TRIP4: variants seen among roughly 807,000 people sequenced by gnomAD.
TRIP4 encodes the protein activating signal cointegrator 1.
Under a neutral mutation model 81.8 loss-of-function variants are expected in TRIP4, and 54 were observed. The ratio of observed to expected loss-of-function variants is 0.66; its 90% CI spans 0.53 to 0.83. TRIP4 has a LOEUF of 0.83. TRIP4 is among the 40% of genes least tolerant of loss of function. The pLI is 0.00. For missense variants in TRIP4, 662 were observed against 683.6 expected (o/e 0.97, Z 0.35); for synonymous variants, 270 against 242.8 (o/e 1.11, Z -1.04).
chr15:64,429,040 C>T (rs1275051016), intron 11 of TRIP4, among the ~76,000 whole-genome samples: 2 of 151,622 alleles, frequency 1.3e-5, no homozygotes, highest in Admixed American at 6.6e-5. Context: ...TTGGGTTGGG[C>T]GTGGTGGCTC....
chr15:64,429,194 G>A (rs993077332), intron 11 of TRIP4, among the ~76,000 whole-genome samples: 1 of 152,006 alleles, frequency 6.6e-6, no homozygotes, highest in Non-Finnish European at 1.5e-5. Flanking sequence ...GCAGGAGCCT[G>A]TAATCTCAGC....
At chr15:64,421,286 A>C (rs1012124934) in intron 9 of TRIP4, among the ~76,000 whole-genome samples, 1 of 151,504 alleles carries the variant, frequency 6.6e-6, no homozygotes, top group South Asian at 2.1e-4. Context: ...CATCTGAAAA[A>C]AAAAAAATTA....
rs2140540835 is a variant in TRIP4 at position 64,388,194 on chromosome 15, A to G, written c.101+230A>G. The G allele has an allele frequency of 6.1e-6, 4 of 655,880 alleles. 1 individual carries two copies. Among genetic ancestry groups the G allele is most frequent in the African/African-American group, 5.6e-5 (3 of 53,902 alleles). The allele number at this position is 655,880 out of a possible 1,614,324, so 40.6% of individuals were successfully genotyped here. On this transcript the variant is annotated intron_variant, in intron 1 of 12. Transcript: ENST00000261884. ...GGCTTTTTTCCTGGGAAGACGCCCA[A>G]TCTGTAATAATTAGAAATGCAAGGC...
chr15:64,436,035 C>T (rs531371907), intron 11 of TRIP4, among the ~76,000 whole-genome samples: 18 of 152,214 alleles, frequency 1.2e-4, no homozygotes, highest in Admixed American at 7.2e-4. Context: ...TGGCTCACAC[C>T]TGTAATCCCA....
At chr15:64,453,694 A>G (rs920435069) in intron 12 of TRIP4, among the ~76,000 whole-genome samples, 1 of 152,240 alleles carries the variant, frequency 6.6e-6, no homozygotes, top group African/African-American at 2.4e-5. Context: ...AGAAAAGGAC[A>G]TAATGTTCTT....
At position 64,445,061 on chromosome 15, in the gene TRIP4, C is replaced by A; in HGVS notation, c.1631C>A (p.Pro544His). Residue 544 changes from proline (P) to histidine (H), a missense_variant, in exon 12 of 13, where the codon CCT becomes CAT. By Grantham distance (77) the Pro-to-His change is moderately conservative. Transcript: ENST00000261884. ...CCATTTGTTTTCATCTGCAAAAATC[C>A]TCAGGAAATGGTTGTGAAGTTTCCT... Reference protein sequence around the residue: ...DSPFVFICKNPQEMVVKFPIK... With the variant: ...DSPFVFICKNHQEMVVKFPIK... 1 of 1,606,720 alleles carries A rather than the reference C, an allele frequency of 6.2e-7. No individual in the cohort carries two copies. Among genetic ancestry groups the A allele is most frequent in the South Asian group, 1.1e-5 (1 of 90,230 alleles).
chr15:64,391,572 A>G (rs1900131226), intron 1 of TRIP4, among the ~76,000 whole-genome samples: 1 of 152,220 alleles, frequency 6.6e-6, no homozygotes, highest in African/African-American at 2.4e-5. Context: ...GATTTGGTAT[A>G]TAACATATTT....
rs971797131 is a variant in TRIP4 at position 64,394,380 on chromosome 15, C to T, written c.271+265C>T. On this transcript the variant is annotated intron_variant, in intron 2 of 12. Transcript: ENST00000261884. ...CAGCACTTTGGGAGGCTGAGGTGGG[C>T]GGATCACGTGGTCAGGAGATCGAGA... 3.9e-5 allele frequency among the ~76,000 whole-genome samples: 6 copies of T among 151,986 alleles called. 1 individual carries two copies. The highest frequency in any genetic ancestry group is 4.1e-4 in the South Asian group (2 of 4,826).
intron 11 of TRIP4, among the ~76,000 whole-genome samples, chr15:64,437,278 C>T (rs997445961): frequency 1.3e-5 from 2 of 149,308 alleles, no homozygotes; most frequent in East Asian, 2.0e-4. Context: ...AAAAAATTAG[C>T]CAGGCGCATA....
intron 12 of TRIP4, chr15:64,450,697 C>T (rs1224349409): frequency 4.4e-6 from 2 of 455,822 alleles, no homozygotes; most frequent in African/African-American, 2.0e-5. Flanking sequence ...GTCTGAATTC[C>T]TGGGAATATC....
At chr15:64,402,792 C>T (rs563575394) in intron 5 of TRIP4, among the ~76,000 whole-genome samples, 30 of 152,162 alleles carry the variant, frequency 2.0e-4, no homozygotes, top group African/African-American at 6.3e-4. Flanking sequence ...TCCCAAAGTG[C>T]TGAGATTACA....
intron 12 of TRIP4, among the ~76,000 whole-genome samples, chr15:64,452,415 A>G (rs1892790728): frequency 6.6e-6 from 1 of 152,192 alleles, no homozygotes; most frequent in Non-Finnish European, 1.5e-5. Flanking sequence ...AAATATATAT[A>G]ATGCAAATAT....
chr15:64,395,650 A>C, intron 3 of TRIP4, 119 bp downstream of exon 3: 1 of 1,171,288 alleles, frequency 8.5e-7, no homozygotes, highest in Non-Finnish European at 1.2e-6. Context: ...CAAATGCATG[A>C]ATTTTAGGTA....
Position 64,424,125 on chromosome 15 carries a change from C to G in TRIP4, c.1453C>G (p.Gln485Glu). 6.2e-7 allele frequency: 1 copy of G among 1,614,204 alleles called. No homozygotes were observed. Among genetic ancestry groups the G allele is most frequent in the Non-Finnish European group, 8.5e-7 (1 of 1,180,046 alleles). Residue 485 changes from glutamine to glutamate, a missense_variant, in exon 10 of 13, where the codon CAG becomes GAG. Gln to Glu is a conservative substitution (Grantham distance 29). Transcript: ENST00000261884. ...KPSPQEVSELQATYRLLRGKD... is the reference protein window; with the variant it reads ...KPSPQEVSELEATYRLLRGKD... ...CTCCCCTCAAGAAGTCTCAGAACTC[C>G]AGGCTACATATCGTCTTCTTCGTGG...
At chr15:64,442,713 C>A (rs1292074818) in intron 11 of TRIP4, among the ~76,000 whole-genome samples, 3 of 151,662 alleles carry the variant, frequency 2.0e-5, no homozygotes, top group Non-Finnish European at 4.4e-5. Context: ...CTGAGCCAGG[C>A]ACGGTGGCTC....
intron 7 of TRIP4, among the ~76,000 whole-genome samples, chr15:64,410,328 A>G (rs1891733317): frequency 6.6e-6 from 1 of 152,118 alleles, no homozygotes; most frequent in African/African-American, 2.4e-5. Context: ...GCTCAGCAAA[A>G]AAAAGTTTTT....
At position 64,417,906 on chromosome 15, in the gene TRIP4, A is replaced by T. The variant is rs1327117766; in HGVS notation, c.1171-635A>T. ...AATTATCCAGAACCAAGTATGGATC[A>T]TTAAGTATAAATTGGAAATAATTAT... On this transcript the variant is annotated intron_variant, in intron 8 of 12. Coordinates refer to ENST00000261884, the MANE Select transcript of TRIP4 (RefSeq NM_016213.5). Among the ~76,000 whole-genome samples, 7 of 152,358 alleles carry T rather than the reference A, an allele frequency of 4.6e-5. No homozygotes were observed. In the South Asian group the frequency reaches 8.3e-4, roughly 18 times the overall value.
chr15:64,448,313 T>C (rs1289728954), intron 12 of TRIP4, among the ~76,000 whole-genome samples: 1 of 152,232 alleles, frequency 6.6e-6, no homozygotes, highest in Non-Finnish European at 1.5e-5. Flanking sequence ...TCAGGACCTA[T>C]AGGGCCTTCA....
At chr15:64,430,058 A>ATTT (rs1892234330) in intron 11 of TRIP4, among the ~76,000 whole-genome samples, 1 of 152,220 alleles carries the variant, frequency 6.6e-6, no homozygotes, top group Non-Finnish European at 1.5e-5. Flanking sequence ...CCTCTTAAAA[A>ATTT]AAGAAAATCG....
Sources: gnomAD v4.1 joint callset for allele counts (sites outside exome capture counted in the v4.1 genomes callset) on GRCh38, gnomAD v4.1.1 for gene constraint, MANE v1.5 for transcripts, NCBI Gene and HGNC (gene_info 2026-07-23, HGNC 2026-07-21) for gene names.